Variants in HTR1E observed in about 807,000 individuals in gnomAD.
HTR1E encodes 5-hydroxytryptamine receptor 1E.
In HTR1E, 3 loss-of-function variants were observed where a neutral mutation model predicts 3.4. The ratio of observed to expected loss-of-function variants is 0.89; its 90% CI spans 0.41 to 2.31. The LOEUF (loss-of-function observed/expected upper bound fraction) is 2.31. Among genes scored for constraint, HTR1E ranks in the 30% most tolerant of loss-of-function variants. HTR1E has a pLI of 0.05. For synonymous variants in HTR1E, 170 were observed against 182.8 expected (o/e 0.93, Z 0.56); for missense variants, 392 against 467.0 (o/e 0.84, Z 1.48).
intron 1 of HTR1E, among the ~76,000 whole-genome samples, chr6:86,968,736 AT>A (rs1167911279): frequency 6.6e-6 from 1 of 152,010 alleles, no homozygotes; most frequent in Non-Finnish European, 1.5e-5. Context: ...AATTGCAAAT[AT>A]TTTTCCTAGT....
rs142347747 is a variant in HTR1E, at chr6:86,990,427, C to A, written c.-185-24723C>A. Among the ~76,000 whole-genome samples, 305 of 152,244 alleles carry A rather than the reference C, an allele frequency of 2.0e-3. 1 individual carries two copies. The highest frequency in any genetic ancestry group is 7.0e-3 in the African/African-American group (290 of 41,546). On this transcript the variant is annotated intron_variant, in intron 1 of 1. Coordinates refer to ENST00000305344, the MANE Select transcript of HTR1E (RefSeq NM_000865.3). Reference sequence around the variant, plus strand: ...CACAAGACAGATCATTTTTCCCCATCACCTTTCAAAGAGGTGTTGTTGCCA... The same window carrying A: ...CACAAGACAGATCATTTTTCCCCATAACCTTTCAAAGAGGTGTTGTTGCCA...
chr6:86,971,091 T>A (rs941543750), intron 1 of HTR1E: 23 of 511,304 alleles, frequency 4.5e-5, no homozygotes, highest in Admixed American at 8.0e-5. Flanking sequence ...AATTATCCTC[T>A]CCATGAGGAG....
intron 1 of HTR1E, among the ~76,000 whole-genome samples, chr6:87,002,606 GT>G (rs1768041646): frequency 6.6e-6 from 1 of 152,104 alleles, no homozygotes; most frequent in Non-Finnish European, 1.5e-5. Context: ...AGTGCTGATA[GT>G]GCTAATTGGT....
intron 1 of HTR1E, among the ~76,000 whole-genome samples, chr6:86,964,026 G>A (rs909866484): frequency 6.6e-6 from 1 of 152,150 alleles, no homozygotes; most frequent in Non-Finnish European, 1.5e-5. Context: ...CTACAGTTCA[G>A]GACATCATTC....
At chr6:86,951,878 GC>G (rs1767249164) in intron 1 of HTR1E, among the ~76,000 whole-genome samples, 1 of 152,110 alleles carries the variant, frequency 6.6e-6, no homozygotes, top group Non-Finnish European at 1.5e-5. Context: ...TTGACAATTG[GC>G]AACAGTACCA....
chr6:86,976,069 T>G (rs1305469432), intron 1 of HTR1E, among the ~76,000 whole-genome samples: 1 of 152,056 alleles, frequency 6.6e-6, no homozygotes, highest in Non-Finnish European at 1.5e-5. Flanking sequence ...AAACACCGCC[T>G]ATTGTATTCT....
intron 1 of HTR1E, among the ~76,000 whole-genome samples, chr6:86,939,145 AAATG>A (rs1347461291): frequency 1.3e-5 from 2 of 152,306 alleles, no homozygotes; most frequent in East Asian, 1.9e-4. Flanking sequence ...TTCAACAAAT[AAATG>A]AATGGAGGCA....
intron 1 of HTR1E, among the ~76,000 whole-genome samples, chr6:86,989,793 A>G (rs1234526473): frequency 2.0e-5 from 3 of 152,180 alleles, no homozygotes; most frequent in Non-Finnish European, 2.9e-5. Flanking sequence ...GAGTCACACA[A>G]CCAATCATTA....
chr6:87,001,303 C>T (rs1562071715), intron 1 of HTR1E, among the ~76,000 whole-genome samples: 1 of 152,124 alleles, frequency 6.6e-6, no homozygotes, highest in Non-Finnish European at 1.5e-5. Flanking sequence ...AGAGTAAGTC[C>T]TTACTTACGG....
intron 1 of HTR1E, among the ~76,000 whole-genome samples, chr6:86,943,501 A>G (rs1250993472): frequency 3.9e-5 from 6 of 152,190 alleles, no homozygotes; most frequent in Admixed American, 1.3e-4. Context: ...AATGGGGACA[A>G]TAATACATGC....
chr6:87,009,723 G>A (rs1768173703), intron 1 of HTR1E, among the ~76,000 whole-genome samples: 1 of 146,072 alleles, frequency 6.8e-6, no homozygotes, highest in South Asian at 2.2e-4. Flanking sequence ...GGACAGGGCG[G>A]CTGGCCGGGC....
At chr6:86,970,614 A>G (rs561432456) in intron 1 of HTR1E, 1 of 155,624 alleles carries the variant, frequency 6.4e-6, no homozygotes, top group African/African-American at 2.4e-5. Flanking sequence ...AAACTGAAGC[A>G]CTTTCACAAG....
At chr6:87,012,714 C>T (rs957327779) in intron 1 of HTR1E, among the ~76,000 whole-genome samples, 3 of 152,190 alleles carry the variant, frequency 2.0e-5, no homozygotes, top group African/African-American at 7.2e-5. Context: ...TTACATAGTA[C>T]TTACTATGTA....
chr6:87,009,377 G>T (rs1031065313), intron 1 of HTR1E, among the ~76,000 whole-genome samples: 7 of 151,872 alleles, frequency 4.6e-5, no homozygotes, highest in African/African-American at 1.5e-4. Flanking sequence ...CAGGGTTGGG[G>T]GCAAGGTCAC....
chr6:86,999,930 G>C (rs11962729), intron 1 of HTR1E: 4,190 of 152,200 alleles, frequency 0.028, 143 homozygotes, highest in East Asian at 0.13. Context: ...TAAATACAAA[G>C]CACCATTTTA....
intron 1 of HTR1E, among the ~76,000 whole-genome samples, chr6:86,938,962 C>T (rs1380442296): frequency 6.6e-6 from 1 of 152,182 alleles, no homozygotes; most frequent in Non-Finnish European, 1.5e-5. Flanking sequence ...AGGGGCTTCC[C>T]TTACTTAATC....
At chr6:86,940,535 C>CA (rs1359574769) in intron 1 of HTR1E, among the ~76,000 whole-genome samples, 3 of 151,644 alleles carry the variant, frequency 2.0e-5, no homozygotes, top group East Asian at 3.9e-4. Flanking sequence ...GGCCTTGTCT[C>CA]AAAAAAAGAA....
At chr6:87,009,196 GAGGACCCTGCGGCCTTCCGC>G in intron 1 of HTR1E, among the ~76,000 whole-genome samples, 1 of 150,502 alleles carries the variant, frequency 6.6e-6, no homozygotes, top group East Asian at 2.0e-4. Flanking sequence ...TTCCTAGGCA[GAGGACCCTGCGGCCTTCCGC>G]AGTGTTTGTG....
intron 1 of HTR1E, among the ~76,000 whole-genome samples, chr6:87,006,949 T>C (rs1225996929): frequency 1.3e-5 from 2 of 151,924 alleles, no homozygotes; most frequent in Non-Finnish European, 2.9e-5. Context: ...AGGAAGAGCA[T>C]TAGAAAAAAA....
Sources: allele counts gnomAD v4.1 joint callset (sites outside exome capture counted in the v4.1 genomes callset), GRCh38; gene constraint gnomAD v4.1.1; transcripts MANE v1.5; gene names NCBI Gene and HGNC (gene_info 2026-07-23, HGNC 2026-07-21).